ANKRD30A: variants seen among roughly 807,000 people sequenced by gnomAD.
The protein encoded by ANKRD30A is ankyrin repeat domain-containing protein 30A.
In ANKRD30A, 170 loss-of-function variants were observed where a neutral mutation model predicts 166.3. That is an observed-to-expected ratio of 1.02 (90% CI 0.90 to 1.16). The LOEUF is 1.16. Ranked by LOEUF, ANKRD30A falls within the 50% of genes most tolerant of loss-of-function variation. The probability of loss-of-function intolerance (pLI) is 0.00; values close to 1 mark genes in which losing one functional copy is unlikely to be tolerated. For missense variants in ANKRD30A, 1,630 were observed against 1,518.0 expected (o/e 1.07, Z -1.23); for synonymous variants, 564 against 508.9 (o/e 1.11, Z -1.46).
At chr10:37,215,054 A>G (rs1046388509) in intron 31 of ANKRD30A, among the ~76,000 whole-genome samples, 9 of 151,576 alleles carry the variant, frequency 5.9e-5, no homozygotes, top group Non-Finnish European at 1.3e-4. Context: ...TTGTATCTCT[A>G]CAAGTGCAAT....
intron 12 of ANKRD30A, 82 bp downstream of exon 12, chr10:37,152,203 C>A: frequency 8.4e-7 from 1 of 1,188,486 alleles, no homozygotes; most frequent in Non-Finnish European, 1.2e-6. Context: ...GCTTTATTTT[C>A]TCGCCTCTTC....
At chr10:37,213,558 T>TCTTC (rs202208428) in intron 31 of ANKRD30A, among the ~76,000 whole-genome samples, 1 of 137,826 alleles carries the variant, frequency 7.3e-6, no homozygotes, top group Non-Finnish European at 1.6e-5. Flanking sequence ...TTCTTCTTCT[T>TCTTC]TTTTTTTTTT....
At chr10:37,136,977 A>T (rs1297456734) in intron 6 of ANKRD30A, among the ~76,000 whole-genome samples, 1 of 151,866 alleles carries the variant, frequency 6.6e-6, no homozygotes, top group Non-Finnish European at 1.5e-5. Context: ...AATCCTATAT[A>T]ATACTTTTGT....
At chr10:37,259,737 C>A in the ANKRD30A span, among the ~76,000 whole-genome samples, 4 of 152,008 alleles carry the variant, frequency 2.6e-5, no homozygotes, top group African/African-American at 9.7e-5. Context: ...GTAGCCAAAC[C>A]AAAAAATACA....
At position 37,149,834 on chromosome 10, in the gene ANKRD30A, C is replaced by G. The variant is rs1448890159; in HGVS notation, c.1630C>G (p.Gln544Glu). The change falls in exon 11 of 36, where the codon CAA (glutamine) becomes GAA (glutamate). Residue 544 changes from glutamine to glutamate, a missense_variant. Physicochemically the swap from Gln to Glu is conservative, Grantham distance 29. This residue lies in a region of ANKRD30A where 904 missense variants were observed against 818.5 expected (regional missense o/e 1.10). Coordinates refer to ENST00000361713, the MANE Select transcript of ANKRD30A (RefSeq NM_052997.3). ...TAAAGCCTTTGAATTGAAGAATGAA[C>G]AAACATTGAGAGCAGGTAAATTTTT... ...PNKAFELKNE[Q>E]TLRADPMFPP... 6.2e-7 allele frequency: 1 copy of G among 1,612,562 alleles called. No individual in the cohort carries two copies. The highest frequency in any genetic ancestry group is 8.5e-7 in the Non-Finnish European group (1 of 1,179,042).
chr10:37,235,915 G>T (rs538297058), downstream of ANKRD30A, among the ~76,000 whole-genome samples: 1 of 151,650 alleles, frequency 6.6e-6, no homozygotes, highest in Non-Finnish European at 1.5e-5. Flanking sequence ...GACTACAGGC[G>T]CCCGCCACCA....
chr10:37,205,552 A>C (rs1469331759), intron 31 of ANKRD30A, among the ~76,000 whole-genome samples: 1 of 152,240 alleles, frequency 6.6e-6, no homozygotes, highest in Non-Finnish European at 1.5e-5. Flanking sequence ...TACATATGTA[A>C]AAAACCTGCA....
intron 1 of ANKRD30A, among the ~76,000 whole-genome samples, chr10:37,129,570 G>A (rs764969190): frequency 1.4e-4 from 21 of 152,180 alleles, no homozygotes; most frequent in Admixed American, 2.6e-4. Flanking sequence ...TAACTGCTGT[G>A]TTCATCTTCA....
intron 19 of ANKRD30A, among the ~76,000 whole-genome samples, chr10:37,166,910 C>T (rs1839397630): frequency 6.6e-6 from 1 of 151,970 alleles, no homozygotes; most frequent in Middle Eastern, 3.4e-3. Flanking sequence ...AGTTTGAATT[C>T]AAGATATTCC....
chr10:37,205,292 C>T (rs1841916462), intron 31 of ANKRD30A, among the ~76,000 whole-genome samples: 1 of 152,098 alleles, frequency 6.6e-6, no homozygotes, highest in Non-Finnish European at 1.5e-5. Flanking sequence ...TGTTCATATC[C>T]TTTGTAGGGA....
intron 31 of ANKRD30A, among the ~76,000 whole-genome samples, chr10:37,202,747 T>G (rs949006940): frequency 1.3e-5 from 2 of 151,896 alleles, no homozygotes; most frequent in Admixed American, 6.6e-5. Context: ...CTAGCAAGAC[T>G]AATAAAGAAG....
intron 4 of ANKRD30A, 93 bp downstream of exon 4, chr10:37,132,439 A>T (rs1836435349): frequency 9.8e-6 from 7 of 713,908 alleles, no homozygotes; most frequent in Non-Finnish European, 1.5e-5. Flanking sequence ...TTTACTTAAA[A>T]TTGTTAGATT....
At chr10:37,250,499 C>A in the ANKRD30A span, among the ~76,000 whole-genome samples, 1 of 152,060 alleles carries the variant, frequency 6.6e-6, no homozygotes, top group Non-Finnish European at 1.5e-5. Flanking sequence ...CTCATCCTGG[C>A]CAGTAAATAT....
At chr10:37,190,392 A>C (rs1163197141) in intron 25 of ANKRD30A, among the ~76,000 whole-genome samples, 1 of 151,774 alleles carries the variant, frequency 6.6e-6, no homozygotes, top group Non-Finnish European at 1.5e-5. Context: ...GGTCAGGAGA[A>C]AGCATCATGG....
rs762947956 is a variant in ANKRD30A, at chr10:37,218,995, G to A, written c.3283G>A (p.Glu1095Lys). 15 of 1,584,640 alleles carry A rather than the reference G, an allele frequency of 9.5e-6. No homozygotes were observed. In the South Asian group the frequency reaches 1.4e-4, roughly 15 times the overall value. Reference sequence around the variant, plus strand: ...TTTTATTTAGGTTTCTCACACTCATGAAAATGAAAATTATCTCTTACATGA... The same window carrying A: ...TTTTATTTAGGTTTCTCACACTCATAAAAATGAAAATTATCTCTTACATGA... Reference protein sequence around the residue: ...SNLNQVSHTHENENYLLHENC... With the variant: ...SNLNQVSHTHKNENYLLHENC... Residue 1095 changes from glutamate (E) to lysine (K), a missense_variant, in exon 34 of 36, where the codon GAA becomes AAA. Physicochemically the swap from Glu to Lys is moderately conservative, Grantham distance 56. Coordinates refer to ENST00000361713, the MANE Select transcript of ANKRD30A (RefSeq NM_052997.3).
the ANKRD30A span, among the ~76,000 whole-genome samples, chr10:37,253,512 C>T: frequency 7.2e-5 from 11 of 152,176 alleles, no homozygotes; most frequent in African/African-American, 2.2e-4. Context: ...CCCCAGGCAG[C>T]GCTAGTCCTT....
intron 11 of ANKRD30A, among the ~76,000 whole-genome samples, chr10:37,150,706 A>G (rs1046487529): frequency 6.6e-6 from 1 of 152,122 alleles, no homozygotes; most frequent in African/African-American, 2.4e-5. Flanking sequence ...TAGGTTGTTT[A>G]TAAAATTCCA....
chr10:37,231,754 C>T (rs184592944), intron 35 of ANKRD30A, 74 bp downstream of exon 35: 60 of 240,212 alleles, frequency 2.5e-4, no homozygotes, highest in African/African-American at 1.3e-3. Flanking sequence ...AGGTGAAATA[C>T]TGAGTTAATT....
chr10:37,240,623 A>C, the ANKRD30A span, among the ~76,000 whole-genome samples: 1 of 152,160 alleles, frequency 6.6e-6, no homozygotes, highest in Non-Finnish European at 1.5e-5. Context: ...TAGACTACAT[A>C]GAATTTCACA....
Sources: allele counts gnomAD v4.1 joint callset (sites outside exome capture counted in the v4.1 genomes callset), GRCh38; gene constraint gnomAD v4.1.1; regional missense constraint gnomAD v4.1.1; transcripts MANE v1.5; gene names NCBI Gene and HGNC (gene_info 2026-07-23, HGNC 2026-07-21).